The following EEF1E1 variants were observed in gnomAD, a reference collection of about 807,000 sequenced individuals.
EEF1E1 encodes eukaryotic translation elongation factor 1 epsilon-1.
A neutral mutation model predicts 19.9 loss-of-function variants in EEF1E1; 19 were observed. The observed-to-expected ratio is 0.95, with a 90% CI of 0.66 to 1.40. The LOEUF (loss-of-function observed/expected upper bound fraction) is 1.40. EEF1E1 is among the 40% of genes most tolerant of loss of function. The probability of loss-of-function intolerance (pLI) is 0.00; values close to 1 mark genes in which losing one functional copy is unlikely to be tolerated. For synonymous variants in EEF1E1, 81 were observed against 80.0 expected (o/e 1.01, Z -0.07); for missense variants, 198 against 202.2 (o/e 0.98, Z 0.13).
intron 2 of EEF1E1, 25 bp from the exon 3 acceptor site, chr6:8,090,306 A>G: frequency 7.1e-7 from 1 of 1,410,184 alleles, no homozygotes; most frequent in Non-Finnish European, 9.4e-7. Context: ...AAACAAATAA[A>G]TATTAATGTA....
At chr6:8,091,618 A>C (rs1346122663) in intron 2 of EEF1E1, among the ~76,000 whole-genome samples, 1 of 152,232 alleles carries the variant, frequency 6.6e-6, no homozygotes, top group Non-Finnish European at 1.5e-5. Flanking sequence ...ATTTCCTGAG[A>C]TGGAAAATGT....
At position 8,079,684 on chromosome 6, in the gene EEF1E1, A is replaced by G; in HGVS notation, c.*206T>C. On this transcript the variant is annotated 3_prime_UTR_variant, in exon 4 of 4. Transcript: ENST00000379715. ...TTATAACTGGATCTCAACTTGTTTA[A>G]TAGCAATTGAATTTTGACATAAAAA... 1 of 1,267,732 alleles carries G rather than the reference A, an allele frequency of 7.9e-7. No homozygotes were observed. The allele number at this position is 1,267,732 out of a possible 1,614,324, so 78.5% of individuals were successfully genotyped here.
chr6:8,095,429 G>A (rs890115432), intron 2 of EEF1E1: 3 of 369,796 alleles, frequency 8.1e-6, no homozygotes, highest in Non-Finnish European at 1.7e-5. Flanking sequence ...CTTGAACCCA[G>A]GAGGCGGAGG....
downstream of EEF1E1, among the ~76,000 whole-genome samples, chr6:8,074,775 T>A (rs1303609813): frequency 6.6e-6 from 1 of 152,226 alleles, no homozygotes; most frequent in Non-Finnish European, 1.5e-5. Context: ...GACCATCCCT[T>A]CATCCTCCAA....
At chr6:8,096,229 T>C (rs535880694) in intron 2 of EEF1E1, among the ~76,000 whole-genome samples, 1 of 152,368 alleles carries the variant, frequency 6.6e-6, no homozygotes, top group African/African-American at 2.4e-5. Flanking sequence ...ATTACTATCC[T>C]TTCCCTTGGA....
At chr6:8,101,325 G>T (rs1183856216) in intron 1 of EEF1E1, among the ~76,000 whole-genome samples, 1 of 128,774 alleles carries the variant, frequency 7.8e-6, no homozygotes, top group African/African-American at 3.0e-5. Context: ...TTGTCCACTC[G>T]GCCATATATA....
At chr6:8,091,930 G>A (rs1380838118) in intron 2 of EEF1E1, among the ~76,000 whole-genome samples, 1 of 152,178 alleles carries the variant, frequency 6.6e-6, no homozygotes, top group East Asian at 1.9e-4. Flanking sequence ...ACATAGACTG[G>A]GTGGCATGTA....
At chr6:8,074,082 CTGT>C (rs1757538805) in intron 3 of EEF1E1, among the ~76,000 whole-genome samples, 1 of 152,168 alleles carries the variant, frequency 6.6e-6, no homozygotes, top group Non-Finnish European at 1.5e-5. Flanking sequence ...CCCCCTCTTG[CTGT>C]TTCTTTGGGT....
intron 1 of EEF1E1, among the ~76,000 whole-genome samples, chr6:8,098,108 T>G (rs1394258574): frequency 2.0e-5 from 3 of 150,930 alleles, no homozygotes; most frequent in Non-Finnish European, 4.4e-5. Flanking sequence ...AGCAATGAAA[T>G]AGAAATAGTA....
At chr6:8,090,420 T>TGAATATTA in intron 2 of EEF1E1, 139 bp from the exon 3 acceptor site, 1 of 652,546 alleles carries the variant, frequency 1.5e-6, no homozygotes, top group Middle Eastern at 4.9e-4. Context: ...TTGACATTAA[T>TGAATATTA]ATTCATTCAA....
chr6:8,097,090 G>T (rs1393156967), intron 2 of EEF1E1, among the ~76,000 whole-genome samples, 177 bp downstream of exon 2: 1 of 152,220 alleles, frequency 6.6e-6, no homozygotes, highest in Non-Finnish European at 1.5e-5. Context: ...AGCATATCTT[G>T]GAGGGGCTGG....
At chr6:8,077,904 A>G (rs1201727594), downstream of EEF1E1, among the ~76,000 whole-genome samples, 16 of 152,118 alleles carry the variant, frequency 1.1e-4, no homozygotes, top group Middle Eastern at 3.4e-3. Context: ...TGATCCTCCC[A>G]CCTCAGCCTC....
At chr6:8,076,941 G>GT (rs1408664471), downstream of EEF1E1, among the ~76,000 whole-genome samples, 348 of 130,036 alleles carry the variant, frequency 2.7e-3, 7 homozygotes, top group Non-Finnish European at 4.0e-3. Context: ...TTTTGTTTTT[G>GT]TTTTTGTTTT....
chr6:8,095,067 A>G (rs542395350), intron 2 of EEF1E1, among the ~76,000 whole-genome samples: 1 of 152,208 alleles, frequency 6.6e-6, no homozygotes, highest in Admixed American at 6.5e-5. Context: ...TGGATTTTCA[A>G]CTGCTCAGGG....
intron 1 of EEF1E1, among the ~76,000 whole-genome samples, chr6:8,099,055 A>G (rs1256609874): frequency 6.6e-6 from 1 of 152,188 alleles, no homozygotes; most frequent in Non-Finnish European, 1.5e-5. Flanking sequence ...ATAAAGTCCT[A>G]TTGGCTTAAA....
downstream of EEF1E1, among the ~76,000 whole-genome samples, chr6:8,077,474 C>T (rs953724140): frequency 6.6e-6 from 1 of 152,182 alleles, no homozygotes; most frequent in African/African-American, 2.4e-5. Flanking sequence ...AGTGTAGCCA[C>T]CTTCACCCAT....
downstream of EEF1E1, among the ~76,000 whole-genome samples, chr6:8,076,427 T>C (rs1032266411): frequency 9.9e-5 from 15 of 151,790 alleles, no homozygotes; most frequent in South Asian, 2.1e-4. Flanking sequence ...GGGTTCATGC[T>C]ATTCTCCTGT....
intron 3 of EEF1E1, among the ~76,000 whole-genome samples, chr6:8,082,579 C>A (rs987354951): frequency 2.0e-5 from 3 of 152,134 alleles, no homozygotes; most frequent in African/African-American, 7.2e-5. Flanking sequence ...GCACCCAACC[C>A]CCTATTCTAA....
At chr6:8,099,751 AACACACACACAC>A (rs1554099744) in intron 1 of EEF1E1, among the ~76,000 whole-genome samples, 24 of 92,966 alleles carry the variant, frequency 2.6e-4, no homozygotes, top group Admixed American at 8.2e-4. Context: ...CCGCCTCAAA[AACACACACACAC>A]ACACACACAC....
Sources: gnomAD v4.1 joint callset for allele counts (sites outside exome capture counted in the v4.1 genomes callset) on GRCh38, gnomAD v4.1.1 for gene constraint, MANE v1.5 for transcripts, NCBI Gene and HGNC (gene_info 2026-07-23, HGNC 2026-07-21) for gene names.